LMF1: variants seen among roughly 807,000 people sequenced by gnomAD.
LMF1 encodes transmembrane protein 112.
In LMF1, 68 loss-of-function variants were observed where a neutral mutation model predicts 60.6. The observed-to-expected ratio is 1.12, with a 90% CI of 0.92 to 1.37. LMF1 has a LOEUF of 1.37. Ranked by LOEUF, LMF1 falls within the 40% of genes most tolerant of loss-of-function variation. LMF1 has a pLI of 0.00. For missense variants in LMF1, 948 were observed against 767.2 expected, an observed-to-expected ratio of 1.24 and a Z score of -2.78; for synonymous variants, 418 against 324.7, an observed-to-expected ratio of 1.29 and a Z score of -3.09.
At chr16:975,857 G>T (rs2073127350), upstream of LMF1, 1 of 452,442 alleles carries the variant, frequency 2.2e-6, no homozygotes, top group African/African-American at 2.0e-5. Context: ...GGGCGGCCAG[G>T]GCCCATTTCG....
intron 2 of LMF1, among the ~76,000 whole-genome samples, chr16:939,365 C>G (rs1003365038): frequency 2.0e-5 from 3 of 152,248 alleles, no homozygotes; most frequent in African/African-American, 7.2e-5. Context: ...AGTCACAGCC[C>G]TGCAAAATAT....
intron 10 of LMF1, chr16:855,167 C>T (rs538503003): frequency 1.9e-4 from 48 of 253,412 alleles, no homozygotes; most frequent in African/African-American, 9.8e-4. Flanking sequence ...CTGGGGGTTT[C>T]GGTCCACGGG....
intron 1 of LMF1, among the ~76,000 whole-genome samples, chr16:956,409 G>C (rs549752869): frequency 5.3e-5 from 8 of 152,278 alleles, no homozygotes; most frequent in Admixed American, 2.6e-4. Context: ...TGAAAAAGCA[G>C]TTGAAAGTAA....
intron 10 of LMF1, among the ~76,000 whole-genome samples, chr16:857,768 CGGGTGTGCGTGGTGTCTCGGGAT>C (rs2069249442): frequency 7.9e-5 from 2 of 25,426 alleles, no homozygotes; most frequent in Non-Finnish European, 1.2e-4. Flanking sequence ...TGTCTCGGGA[CGGGTGTGCGTGGTGTCTCGGGAT>C]GGGTGTGCGT....
intron 1 of LMF1, among the ~76,000 whole-genome samples, chr16:959,982 C>A (rs1184656049): frequency 6.6e-6 from 1 of 151,594 alleles, no homozygotes. Flanking sequence ...TAGGTGGATA[C>A]GACAGAGAAG....
intron 10 of LMF1, chr16:855,346 A>G: frequency 3.5e-6 from 1 of 287,234 alleles, no homozygotes; most frequent in Non-Finnish European, 6.8e-6. Context: ...TCTCCCCTGG[A>G]GCAGGGTAGC....
intron 3 of LMF1, among the ~76,000 whole-genome samples, chr16:927,341 G>T (rs1381172526): frequency 6.6e-6 from 1 of 152,250 alleles, no homozygotes; most frequent in East Asian, 1.9e-4. Flanking sequence ...CCAGGTGACA[G>T]GGAAGGGCTC....
At chr16:912,020 C>T (rs1387551108) in intron 3 of LMF1, among the ~76,000 whole-genome samples, 3 of 152,192 alleles carry the variant, frequency 2.0e-5, no homozygotes, top group African/African-American at 7.2e-5. Flanking sequence ...CTGGAAACTG[C>T]CCACAGCTCG....
chr16:971,418 C>A (rs2073049874), upstream of LMF1, among the ~76,000 whole-genome samples: 1 of 152,252 alleles, frequency 6.6e-6, no homozygotes, highest in African/African-American at 2.4e-5. Context: ...TGCCTCACAG[C>A]TGACACTCAC....
intron 1 of LMF1, among the ~76,000 whole-genome samples, chr16:969,365 A>G (rs1365289331): frequency 6.6e-6 from 1 of 152,144 alleles, no homozygotes; most frequent in East Asian, 1.9e-4. Flanking sequence ...AAAGAGAGAG[A>G]GAGACACAGA....
Position 853,788 on chromosome 16 carries a change from C to T in LMF1, c.*744G>A. The stretch of plus-strand genomic sequence containing the variant: ...GCCGGCTGTCCTCCGATTGAGGGGC[C>T]TTGTCAAGGCCTCAGAGGCAGCGAG... On this transcript the variant is annotated 3_prime_UTR_variant, in exon 11 of 11. Coordinates refer to ENST00000262301, the MANE Select transcript of LMF1 (RefSeq NM_022773.4). The T allele has an allele frequency of 2.2e-6, 1 of 454,140 alleles. No individual in the cohort carries two copies. 28.1% of individuals were successfully genotyped at this position (454,140 alleles called of 1,614,324 possible).
chr16:945,828 G>A (rs1409499586), intron 2 of LMF1, among the ~76,000 whole-genome samples: 5 of 152,280 alleles, frequency 3.3e-5, no homozygotes, highest in Non-Finnish European at 5.9e-5. Flanking sequence ...AGTAAGTCAC[G>A]GTTCATACAC....
intron 6 of LMF1, among the ~76,000 whole-genome samples, chr16:875,317 C>T (rs949591234): frequency 3.3e-5 from 5 of 152,176 alleles, no homozygotes; most frequent in East Asian, 1.9e-4. Flanking sequence ...GCAGCCTGGC[C>T]GTCATGCTTG....
At chr16:976,671 G>C in intron 1 of LMF1, 1 of 454,108 alleles carries the variant, frequency 2.2e-6, no homozygotes, top group South Asian at 1.6e-5. Flanking sequence ...GAGTGGAGAC[G>C]GATAGGCCCA....
intron 10 of LMF1, chr16:856,187 C>G (rs2069179653): frequency 2.8e-6 from 1 of 351,804 alleles, no homozygotes. Flanking sequence ...GCACTGCCCA[C>G]TGCCCTGGGC....
chr16:941,484 A>G (rs1298308566), intron 2 of LMF1, among the ~76,000 whole-genome samples: 1 of 152,192 alleles, frequency 6.6e-6, no homozygotes, highest in Non-Finnish European at 1.5e-5. Flanking sequence ...TGGCCTCCCA[A>G]AGTGCTGGCA....
At position 970,883 on chromosome 16, in the gene LMF1, G is replaced by T; in HGVS notation, c.98C>A (p.Pro33Gln). 1 of 1,572,366 alleles carries T rather than the reference G, an allele frequency of 6.4e-7. No homozygotes were observed. Among genetic ancestry groups the T allele is most frequent in the Non-Finnish European group, 8.6e-7 (1 of 1,161,528 alleles). Residue 33 changes from proline to glutamine, a missense_variant, in exon 1 of 11, where the codon CCG (proline) becomes CAG (glutamine). Physicochemically the swap from Pro to Gln is moderately conservative, Grantham distance 76 (BLOSUM62 -1). Transcript: ENST00000262301. ...CGGAGAGCCTGCGGGGCCACGCCCC[G>T]GCGCGGGCGGCGACTCAGGCTCCGG... is the stretch of plus-strand genomic sequence containing the variant. Reference protein sequence around the residue: ...SDPEPESPPAPGRGPAGSPAH... With the variant: ...SDPEPESPPAQGRGPAGSPAH...
intron 10 of LMF1, among the ~76,000 whole-genome samples, chr16:865,666 G>A (rs1026074465): frequency 5.3e-5 from 8 of 152,080 alleles, no homozygotes; most frequent in South Asian, 4.2e-4. Context: ...TTATTGACTC[G>A]GTAGGTTTGT....
At chr16:927,484 G>C (rs1431636543) in intron 3 of LMF1, among the ~76,000 whole-genome samples, 1 of 152,272 alleles carries the variant, frequency 6.6e-6, no homozygotes, top group South Asian at 2.1e-4. Context: ...TCGGCCTACC[G>C]GTTGCAGCCC....
Sources: gnomAD v4.1 joint callset for allele counts (sites outside exome capture counted in the v4.1 genomes callset) on GRCh38, gnomAD v4.1.1 for gene constraint, MANE v1.5 for transcripts, NCBI Gene and HGNC (gene_info 2026-07-23, HGNC 2026-07-21) for gene names.